RASAL2: variants seen among roughly 807,000 people sequenced by gnomAD.
RASAL2 encodes RAS protein activator like 2, also known as ras GTPase-activating protein nGAP.
A neutral mutation model predicts 128.9 loss-of-function variants in RASAL2; 58 were observed. The observed-to-expected ratio is 0.45, with a 90% CI of 0.36 to 0.56. The LOEUF is 0.56. Ranked by LOEUF, RASAL2 falls within the 20% of genes least tolerant of loss-of-function variation. The pLI is 0.00. For synonymous variants in RASAL2, 561 were observed against 580.8 expected (o/e 0.97, Z 0.49); for missense variants, 1,360 against 1,601.6 (o/e 0.85, Z 2.57).
intron 3 of RASAL2, among the ~76,000 whole-genome samples, chr1:178,304,880 T>TA (rs1667921506): frequency 6.6e-6 from 1 of 152,204 alleles, no homozygotes; most frequent in African/African-American, 2.4e-5. Flanking sequence ...TTGCAGATGA[T>TA]ACGATCTTAT....
At chr1:178,151,356 G>T (rs901989267) in intron 1 of RASAL2, among the ~76,000 whole-genome samples, 1 of 152,094 alleles carries the variant, frequency 6.6e-6, no homozygotes, top group Non-Finnish European at 1.5e-5. Context: ...AGTGAGCCGA[G>T]ATCGCACCAC....
chr1:178,213,637 TAATTTTATTTATATATAATA>T (rs1663329041), intron 1 of RASAL2, among the ~76,000 whole-genome samples: 1 of 151,710 alleles, frequency 6.6e-6, no homozygotes, highest in South Asian at 2.1e-4. Context: ...ACATAATGTA[TAATTTTATTTATATATAATA>T]AATTTTATTT....
intron 4 of RASAL2, among the ~76,000 whole-genome samples, chr1:178,405,006 A>G (rs1035846523): frequency 3.3e-5 from 5 of 152,302 alleles, no homozygotes; most frequent in South Asian, 2.1e-4. Flanking sequence ...TTAAAACAAC[A>G]TAGAAATATT....
intron 3 of RASAL2, among the ~76,000 whole-genome samples, chr1:178,351,304 T>C (rs1376914591): frequency 6.6e-6 from 1 of 152,214 alleles, no homozygotes; most frequent in African/African-American, 2.4e-5. Flanking sequence ...CAAAATACAG[T>C]CATGCCTTCC....
chr1:178,277,044 A>T (rs1408331529), intron 1 of RASAL2, among the ~76,000 whole-genome samples: 1 of 144,598 alleles, frequency 6.9e-6, no homozygotes, highest in Non-Finnish European at 1.5e-5. Flanking sequence ...GCTACTCGGG[A>T]GGCTGAGGCA....
chr1:178,421,839 C>T (rs140234968), intron 5 of RASAL2, among the ~76,000 whole-genome samples: 5 of 151,972 alleles, frequency 3.3e-5, no homozygotes, highest in Admixed American at 2.0e-4. Flanking sequence ...CAAGTCAGCC[C>T]AATTTGCATT....
intron 9 of RASAL2, among the ~76,000 whole-genome samples, chr1:178,451,101 A>T (rs1203380044): frequency 6.6e-6 from 1 of 152,190 alleles, no homozygotes; most frequent in Non-Finnish European, 1.5e-5. Flanking sequence ...AGAGGTAAAC[A>T]TAGAAGATAG....
intron 3 of RASAL2, among the ~76,000 whole-genome samples, chr1:178,331,346 C>T (rs1347061473): frequency 3.9e-5 from 6 of 152,084 alleles, no homozygotes; most frequent in Non-Finnish European, 8.8e-5. Flanking sequence ...TAAGAGGCAG[C>T]GTTCTATACT....
intron 1 of RASAL2, among the ~76,000 whole-genome samples, chr1:178,115,458 C>T (rs1445398135): frequency 6.6e-6 from 1 of 152,116 alleles, no homozygotes; most frequent in East Asian, 1.9e-4. Context: ...GACATTTGTA[C>T]TAAGACCAAA....
At chr1:178,287,115 TCCTTGCCCTTC>T (rs1469439780) in intron 2 of RASAL2, among the ~76,000 whole-genome samples, 2 of 151,818 alleles carry the variant, frequency 1.3e-5, no homozygotes, top group African/African-American at 4.8e-5. Context: ...GCATACTGTT[TCCTTGCCCTTC>T]CCTTGCTTCA....
rs1219212756 is a variant in RASAL2 at position 178,218,814 on chromosome 1, A to AGAAG, written c.203-64747_203-64746insGGAA. Among the ~76,000 whole-genome samples the AGAAG allele has an allele frequency of 2.6e-5, 4 of 152,386 alleles. No homozygotes were observed. The East Asian group carries it at 7.7e-4, about 29-fold the overall frequency. On this transcript the variant is annotated intron_variant, in intron 1 of 17. Coordinates refer to ENST00000367649, the MANE Select transcript of RASAL2 (RefSeq NM_170692.4). Reference sequence around the variant, plus strand: ...TACGGGCCCTAGGATTTTTTGGAATAGAAAATGAGCATTGGCTTCAACTTA... The same window carrying AGAAG: ...TACGGGCCCTAGGATTTTTTGGAATAGAAGGAAAATGAGCATTGGCTTCAACTTA...
At chr1:178,449,412 T>C (rs1677227260) in intron 9 of RASAL2, among the ~76,000 whole-genome samples, 1 of 152,152 alleles carries the variant, frequency 6.6e-6, no homozygotes, top group South Asian at 2.1e-4. Context: ...TCGGCAGTAA[T>C]ATGTCCATCC....
At chr1:178,455,209 A>G (rs1677678806) in intron 12 of RASAL2, among the ~76,000 whole-genome samples, 1 of 152,180 alleles carries the variant, frequency 6.6e-6, no homozygotes, top group African/African-American at 2.4e-5. Flanking sequence ...TTTATTATAT[A>G]CCGTATTAAT....
At chr1:178,178,418 G>T (rs764991844) in intron 1 of RASAL2, among the ~76,000 whole-genome samples, 1 of 151,958 alleles carries the variant, frequency 6.6e-6, no homozygotes, top group African/African-American at 2.4e-5. Context: ...AGACAGATTC[G>T]TAACTATTTT....
intron 1 of RASAL2, among the ~76,000 whole-genome samples, chr1:178,275,312 C>T (rs1239336248): frequency 6.6e-6 from 1 of 152,208 alleles, no homozygotes; most frequent in African/African-American, 2.4e-5. Context: ...TCCCAAGTAG[C>T]TGGGACTATA....
intron 1 of RASAL2, among the ~76,000 whole-genome samples, chr1:178,179,625 A>G (rs1165297932): frequency 6.6e-6 from 1 of 152,210 alleles, no homozygotes; most frequent in African/African-American, 2.4e-5. Flanking sequence ...CAAGTCTTAT[A>G]AAGTGATAAC....
At chr1:178,319,501 T>C (rs1668645018) in intron 3 of RASAL2, among the ~76,000 whole-genome samples, 1 of 150,448 alleles carries the variant, frequency 6.6e-6, no homozygotes, top group Non-Finnish European at 1.5e-5. Flanking sequence ...TTCTTTTTAT[T>C]CTTTTTTCTC....
chr1:178,203,564 C>T (rs1662944516), intron 1 of RASAL2, among the ~76,000 whole-genome samples: 1 of 152,178 alleles, frequency 6.6e-6, no homozygotes, highest in South Asian at 2.1e-4. Flanking sequence ...ATTTTTGCTT[C>T]CTATTCCTGC....
intron 4 of RASAL2, among the ~76,000 whole-genome samples, chr1:178,395,165 T>C (rs1437086429): frequency 6.6e-6 from 1 of 152,152 alleles, no homozygotes. Context: ...CTTCAAAAAA[T>C]ATACTGATGC....
Sources: allele counts gnomAD v4.1 joint callset (sites outside exome capture counted in the v4.1 genomes callset), GRCh38; gene constraint gnomAD v4.1.1; transcripts MANE v1.5; gene names NCBI Gene and HGNC (gene_info 2026-07-23, HGNC 2026-07-21).